Variants in STXBP5 observed in about 807,000 individuals in gnomAD.
The protein encoded by STXBP5 is syntaxin-binding protein 5.
STXBP5 carries 50 observed loss-of-function variants against 152.4 expected under a neutral mutation model. That is an observed-to-expected ratio of 0.33 (90% confidence interval 0.26 to 0.42). STXBP5 has a LOEUF of 0.42. Ranked by LOEUF, STXBP5 falls within the 10% of genes least tolerant of loss-of-function variation. The pLI is 1.00. For synonymous variants in STXBP5, 492 were observed against 494.7 expected, an observed-to-expected ratio of 0.99 and a Z score of 0.07; for missense variants, 1,167 against 1,388.6, an observed-to-expected ratio of 0.84 and a Z score of 2.54.
intron 19 of STXBP5, among the ~76,000 whole-genome samples, chr6:147,334,877 A>C (rs1783751474): frequency 6.6e-6 from 1 of 152,094 alleles, no homozygotes; most frequent in South Asian, 2.1e-4. Context: ...TAGTGAAGAG[A>C]TCATTCTTAG....
chr6:147,244,037 G>A (rs1384944016), intron 4 of STXBP5, among the ~76,000 whole-genome samples: 1 of 151,900 alleles, frequency 6.6e-6, no homozygotes, highest in East Asian at 1.9e-4. Context: ...TCAACCATCA[G>A]CAGACTGAAA....
chr6:147,376,598 C>T (rs921601016), intron 26 of STXBP5, among the ~76,000 whole-genome samples: 5 of 152,114 alleles, frequency 3.3e-5, no homozygotes, highest in Non-Finnish European at 7.4e-5. Flanking sequence ...GGGAGGGTTG[C>T]TGGAGACCAG....
At chr6:147,251,047 C>T (rs540260557) in intron 4 of STXBP5, among the ~76,000 whole-genome samples, 3 of 149,404 alleles carry the variant, frequency 2.0e-5, no homozygotes, top group African/African-American at 7.4e-5. Context: ...GCAAGATCAA[C>T]ACAGAAGGGA....
intron 1 of STXBP5, 49 bp from the exon 2 acceptor site, chr6:147,205,922 A>T: frequency 6.8e-7 from 1 of 1,460,956 alleles, no homozygotes; most frequent in Non-Finnish European, 9.6e-7. Context: ...TCTATTTTAA[A>T]ATTTCGCTTG....
At chr6:147,328,578 A>AT (rs201461232) in intron 18 of STXBP5, 1,708 of 310,150 alleles carry the variant, frequency 5.5e-3, no homozygotes, top group South Asian at 9.8e-3. Flanking sequence ...TTGTTTTTCC[A>AT]TTTTTTTTTA....
Position 147,204,540 on chromosome 6 carries a change from A to G in STXBP5, c.8A>G (p.Lys3Arg). MR[K>R]FNIRKVLDGL... ...GGGAGCCCCTCCGAGACCATGAGGA[A>G]ATTCAACATCAGGAAGGTGCTGGAC... Residue 3 changes from lysine to arginine, a missense_variant, in exon 1 of 28, where the codon AAA becomes AGA. This residue lies in a region of STXBP5 where 310 missense variants were observed against 346.1 expected (regional missense o/e 0.90). Transcript: ENST00000321680. This position sits in a 1 kb window ranked among gnomAD's most constrained non-coding sequence, Gnocchi z 4.3. 1.2e-6 allele frequency: 2 copies of G among 1,612,024 alleles called. No homozygotes were observed. Among genetic ancestry groups the G allele is most frequent in the Non-Finnish European group, 1.7e-6 (2 of 1,179,268 alleles).
chr6:147,289,564 A>G (rs561091924), intron 8 of STXBP5, among the ~76,000 whole-genome samples: 2 of 152,276 alleles, frequency 1.3e-5, no homozygotes, highest in South Asian at 4.1e-4. Flanking sequence ...TGATTGACAG[A>G]ATGTTAATAA....
At chr6:147,382,658 A>C in intron 26 of STXBP5, 120 bp from the exon 27 acceptor site, 1 of 990,162 alleles carries the variant, frequency 1.0e-6, no homozygotes, top group Middle Eastern at 2.6e-4. Context: ...ATTTCACTTT[A>C]TAATTTTATT....
At chr6:147,307,606 A>G (rs1287581612) in intron 9 of STXBP5, among the ~76,000 whole-genome samples, 2 of 152,176 alleles carry the variant, frequency 1.3e-5, no homozygotes, top group African/African-American at 4.8e-5. Flanking sequence ...CATTATAATG[A>G]AAAAACATAT....
At chr6:147,233,715 A>T (rs991396680) in intron 2 of STXBP5, among the ~76,000 whole-genome samples, 1 of 151,670 alleles carries the variant, frequency 6.6e-6, no homozygotes, top group African/African-American at 2.4e-5. Context: ...ACGGAGATAC[A>T]GACTTTTCTT....
intron 27 of STXBP5, among the ~76,000 whole-genome samples, chr6:147,383,989 C>T (rs1330445718): frequency 1.3e-5 from 2 of 151,956 alleles, no homozygotes; most frequent in Non-Finnish European, 2.9e-5. Context: ...ACCCTACACC[C>T]GATTGTATGA....
At chr6:147,286,035 G>A (rs1292216565) in intron 8 of STXBP5, among the ~76,000 whole-genome samples, 2 of 152,108 alleles carry the variant, frequency 1.3e-5, no homozygotes, top group African/African-American at 2.4e-5. Flanking sequence ...TTTACTGAAA[G>A]GTCATATACA....
Position 147,350,862 on chromosome 6 carries a change from T to G in STXBP5, c.2255-2461T>G, listed in dbSNP as rs80148347. Among the ~76,000 whole-genome samples, 34 of 152,306 alleles carry G rather than the reference T, an allele frequency of 2.2e-4. No homozygotes were observed. The East Asian group carries it at 6.6e-3, about 29-fold the overall frequency. On this transcript the variant is annotated intron_variant, in intron 21 of 27. Coordinates refer to ENST00000321680, the MANE Select transcript of STXBP5 (RefSeq NM_001127715.4). ...TCATCTTACATAATCCTCTCAGCTA[T>G]CTATCCTCATATGACAAATGATGAA...
At chr6:147,283,818 G>T (rs1310402929) in intron 8 of STXBP5, among the ~76,000 whole-genome samples, 3 of 152,132 alleles carry the variant, frequency 2.0e-5, no homozygotes, top group African/African-American at 7.2e-5. Flanking sequence ...TCCAAGTCCA[G>T]CCGTAAATCA....
chr6:147,230,113 T>TA (rs368744540), intron 2 of STXBP5, among the ~76,000 whole-genome samples: 184 of 152,076 alleles, frequency 1.2e-3, no homozygotes, highest in African/African-American at 4.3e-3. Flanking sequence ...CCCGTTGAGA[T>TA]ATGTGGTTGT....
At chr6:147,288,833 C>T (rs1024633364) in intron 8 of STXBP5, among the ~76,000 whole-genome samples, 1 of 152,180 alleles carries the variant, frequency 6.6e-6, no homozygotes, top group Non-Finnish European at 1.5e-5. Context: ...ACTTGGAAAA[C>T]AAGTGCAGTG....
At chr6:147,241,624 T>C (rs1778548051) in intron 4 of STXBP5, among the ~76,000 whole-genome samples, 2 of 152,174 alleles carry the variant, frequency 1.3e-5, no homozygotes, top group South Asian at 2.1e-4. Context: ...AGGGATGTTA[T>C]AGCTGTCATA....
chr6:147,252,802 T>C (rs1265057310), intron 4 of STXBP5, among the ~76,000 whole-genome samples: 1 of 152,048 alleles, frequency 6.6e-6, no homozygotes. Flanking sequence ...AGTTCTGAAA[T>C]TGAGGCAGTA....
intron 21 of STXBP5, among the ~76,000 whole-genome samples, chr6:147,342,319 C>G (rs1338958337): frequency 6.6e-6 from 1 of 152,142 alleles, no homozygotes; most frequent in African/African-American, 2.4e-5. Context: ...CTGGAGTACC[C>G]TAGCCCATCT....
Sources: allele counts gnomAD v4.1 joint callset (sites outside exome capture counted in the v4.1 genomes callset), GRCh38; gene constraint gnomAD v4.1.1; regional missense constraint gnomAD v4.1.1; non-coding constraint Gnocchi (gnomAD v3.1); transcripts MANE v1.5; gene names NCBI Gene and HGNC (gene_info 2026-07-23, HGNC 2026-07-21).